GNB1: variants seen among roughly 807,000 people sequenced by gnomAD.
GNB1 encodes the protein G protein subunit beta 1.
In GNB1, 2 loss-of-function variants were observed where a neutral mutation model predicts 42.9. That is an observed-to-expected ratio of 0.05 (90% CI 0.02 to 0.15). GNB1 has a LOEUF of 0.15. GNB1 is among the 10% of genes least tolerant of loss of function. The pLI is 1.00. For missense variants in GNB1, 193 were observed against 462.2 expected, an observed-to-expected ratio of 0.42 and a Z score of 5.34; for synonymous variants, 183 against 174.7, an observed-to-expected ratio of 1.05 and a Z score of -0.38.
intron 1 of GNB1, among the ~76,000 whole-genome samples, chr1:1,875,491 C>A (rs1380139495): frequency 1.3e-5 from 2 of 152,114 alleles, no homozygotes; most frequent in Non-Finnish European, 2.9e-5. Context: ...TCACACCTGG[C>A]CAAGGACACT....
chr1:1,788,834 C>T (rs1646440797), intron 10 of GNB1: 1 of 521,460 alleles, frequency 1.9e-6, no homozygotes, highest in Non-Finnish European at 3.5e-6. Context: ...CTCCCCAGAG[C>T]CCTCCCCGAC....
chr1:1,810,408 C>G (rs1249819519), intron 5 of GNB1, among the ~76,000 whole-genome samples: 1 of 151,782 alleles, frequency 6.6e-6, no homozygotes, highest in Admixed American at 6.6e-5. Flanking sequence ...CAGTGATGTG[C>G]ACCTGTGGTA....
rs75311419 is a variant in GNB1 at position 1,800,942 on chromosome 1, C to T, written c.430+3477G>A. ...ACTTGTTCCGGGTAGGGCTCCCGGC[C>T]GAAAGGACGCCCGCAGAAGGCGCCT... On this transcript the variant is annotated intron_variant, in intron 7 of 11. Transcript: ENST00000378609. Among the ~76,000 whole-genome samples the T allele has an allele frequency of 8.3e-3, 1,265 of 152,312 alleles. 21 individuals carry two copies. Among genetic ancestry groups the T allele is most frequent in the African/African-American group, 0.029 (1,223 of 41,550 alleles).
intron 3 of GNB1, chr1:1,818,247 C>T (rs377206149): frequency 1.3e-5 from 2 of 150,036 alleles, no homozygotes; most frequent in African/African-American, 5.1e-5. Context: ...ACACGACTTG[C>T]TCTTTTTACA....
At chr1:1,870,946 TA>T (rs1475839591) in intron 1 of GNB1, among the ~76,000 whole-genome samples, 3 of 151,888 alleles carry the variant, frequency 2.0e-5, no homozygotes, top group African/African-American at 7.2e-5. Flanking sequence ...AACAATAAAA[TA>T]AAATAAAAAC....
chr1:1,829,356 A>C (rs1271492869), intron 2 of GNB1, among the ~76,000 whole-genome samples: 1 of 152,150 alleles, frequency 6.6e-6, no homozygotes, highest in Non-Finnish European at 1.5e-5. Context: ...TGCCCCGCCT[A>C]AAAATGTATT....
Position 1,787,112 on chromosome 1 carries a change from C to G in GNB1, c.*10-59G>C, listed in dbSNP as rs1400595181. On this transcript the variant is annotated intron_variant, in intron 11 of 11. Coordinates refer to ENST00000378609, the MANE Select transcript of GNB1 (RefSeq NM_002074.5). The surrounding 1 kb of genome is among the most constrained non-coding windows in gnomAD (Gnocchi z 4.4). ...GAGGCAGAGAATCTAAGTGCAGACG[C>G]ACAGCCAGGTCACTGCTCTTCCCAT... 2.3e-6 allele frequency: 1 copy of G among 439,246 alleles called. No individual in the cohort carries two copies. Among genetic ancestry groups the G allele is most frequent in the East Asian group, 4.2e-5 (1 of 23,806 alleles). 27.2% of individuals were successfully genotyped at this position (439,246 alleles called of 1,614,324 possible).
chr1:1,827,330 T>C (rs1647013065), intron 2 of GNB1, among the ~76,000 whole-genome samples: 1 of 152,206 alleles, frequency 6.6e-6, no homozygotes, highest in Non-Finnish European at 1.5e-5. Context: ...CACTGCTCTC[T>C]GGGGAGGCAG....
intron 2 of GNB1, chr1:1,832,145 T>C (rs1647085546): frequency 1.3e-5 from 2 of 152,116 alleles, no homozygotes; most frequent in African/African-American, 2.4e-5. Context: ...TTATAACTAT[T>C]AGTCACGTTT....
chr1:1,835,540 C>T (rs938359921), intron 2 of GNB1, among the ~76,000 whole-genome samples: 3 of 152,180 alleles, frequency 2.0e-5, no homozygotes, highest in Non-Finnish European at 4.4e-5. Flanking sequence ...TACCTCCTGC[C>T]TCACCTGCCA....
At chr1:1,841,987 C>T (rs953240073) in intron 1 of GNB1, among the ~76,000 whole-genome samples, 7 of 152,236 alleles carry the variant, frequency 4.6e-5, no homozygotes, top group Non-Finnish European at 8.8e-5. Context: ...TGTGGTCTAT[C>T]CAAACAATTG....
intron 1 of GNB1, among the ~76,000 whole-genome samples, chr1:1,864,324 AAAAAAAAAAAAAG>A (rs1293407683): frequency 1.1e-4 from 16 of 149,298 alleles, no homozygotes; most frequent in Admixed American, 3.4e-4. Flanking sequence ...CAAAAAAAAA[AAAAAAAAAAAAAG>A]AAGAAAACCC....
At chr1:1,863,039 T>A (rs1648719707) in intron 1 of GNB1, among the ~76,000 whole-genome samples, 1 of 152,208 alleles carries the variant, frequency 6.6e-6, no homozygotes, top group Non-Finnish European at 1.5e-5. Flanking sequence ...AGGCTGAATG[T>A]GTCTGACCCT....
chr1:1,812,999 G>C lies in GNB1; in HGVS notation c.203+2757C>G, dbSNP rs866471743. Among the ~76,000 whole-genome samples the C allele has an allele frequency of 4.6e-5, 7 of 152,150 alleles. No individual in the cohort carries two copies. The South Asian group carries it at 1.5e-3, about 32-fold the overall frequency. ...GCAGTGCTCTGAGTACCTGAACACT[G>C]CCCAGCAGCAGCACTGTCTACTCCA... On this transcript the variant is annotated intron_variant, in intron 5 of 11. Coordinates refer to ENST00000378609, the MANE Select transcript of GNB1 (RefSeq NM_002074.5).
At chr1:1,887,852 T>G (rs901835873) in intron 1 of GNB1, among the ~76,000 whole-genome samples, 1 of 152,184 alleles carries the variant, frequency 6.6e-6, no homozygotes, top group East Asian at 1.9e-4. Flanking sequence ...CAGCCTCATG[T>G]GATCCGCCCG....
At chr1:1,881,308 G>C (rs1649834111) in intron 1 of GNB1, among the ~76,000 whole-genome samples, 1 of 152,042 alleles carries the variant, frequency 6.6e-6, no homozygotes, top group Non-Finnish European at 1.5e-5. Flanking sequence ...ACTGACTAGA[G>C]TCCCCTCCCT....
At chr1:1,840,346 G>A (rs946908740) in intron 1 of GNB1, among the ~76,000 whole-genome samples, 1 of 151,928 alleles carries the variant, frequency 6.6e-6, no homozygotes, top group Non-Finnish European at 1.5e-5. Context: ...GGCCAATATG[G>A]TGAAACCTCA....
Position 1,785,859 on chromosome 1 carries a change from G to A in GNB1, c.*1204C>T. 2.5e-6 allele frequency: 1 copy of A among 393,042 alleles called. No homozygotes were observed. Among genetic ancestry groups the A allele is most frequent in the Admixed American group, 4.4e-5 (1 of 22,500 alleles). The allele number at this position is 393,042 out of a possible 1,614,324, so 24.3% of individuals were successfully genotyped here. The stretch of plus-strand genomic sequence containing the variant: ...GTGACTTATCCCGCTACCCAAGCGT[G>A]TAGAGCCGCGCGCTGTACTGCTTCC... On this transcript the variant is annotated 3_prime_UTR_variant, in exon 12 of 12. Coordinates refer to ENST00000378609, the MANE Select transcript of GNB1 (RefSeq NM_002074.5).
At chr1:1,847,018 T>C (rs530377690) in intron 1 of GNB1, among the ~76,000 whole-genome samples, 3 of 152,256 alleles carry the variant, frequency 2.0e-5, no homozygotes, top group Non-Finnish European at 2.9e-5. Flanking sequence ...AAGAAAATCA[T>C]TGAGGAAAAG....
Sources: allele counts gnomAD v4.1 joint callset (sites outside exome capture counted in the v4.1 genomes callset), GRCh38; gene constraint gnomAD v4.1.1; non-coding constraint Gnocchi (gnomAD v3.1); transcripts MANE v1.5; gene names NCBI Gene and HGNC (gene_info 2026-07-23, HGNC 2026-07-21).